The following PCDHA6 variants were observed in gnomAD, a reference collection of about 807,000 sequenced individuals.
PCDHA6 encodes the protein protocadherin alpha 6, also known as protocadherin alpha-6.
Under a neutral mutation model 60.3 loss-of-function variants are expected in PCDHA6, and 55 were observed. That is an observed-to-expected ratio of 0.91 (90% CI 0.73 to 1.14). The LOEUF (loss-of-function observed/expected upper bound fraction) is 1.14. Ranked by LOEUF, PCDHA6 falls within the 50% of genes most tolerant of loss-of-function variation. PCDHA6 has a pLI of 0.00. For missense variants in PCDHA6, 1,327 were observed against 1,256.5 expected, an observed-to-expected ratio of 1.06 and a Z score of -0.85; for synonymous variants, 652 against 557.9, an observed-to-expected ratio of 1.17 and a Z score of -2.38.
At chr5:140,884,563 T>G in intron 1 of PCDHA6, 4 of 1,614,150 alleles carry the variant, frequency 2.5e-6, no homozygotes, top group Non-Finnish European at 3.4e-6. Context: ...AGGGCCCGCA[T>G]AAGACGGACC....
At chr5:140,881,648 CCTT>C (rs1554172342) in intron 1 of PCDHA6, among the ~76,000 whole-genome samples, 4 of 152,182 alleles carry the variant, frequency 2.6e-5, no homozygotes, top group African/African-American at 9.7e-5. Flanking sequence ...ATATTTTTCA[CCTT>C]CACCGATTTT....
At chr5:140,935,996 G>C (rs145363850) in intron 1 of PCDHA6, among the ~76,000 whole-genome samples, 1,644 of 150,942 alleles carry the variant, frequency 0.011, 22 homozygotes, top group African/African-American at 0.037. Flanking sequence ...GGGTTCAAGC[G>C]ATTCTCCCAC....
intron 1 of PCDHA6, 22 bp from the exon 2 acceptor site, chr5:140,978,924 GAAA>G (rs781894146): frequency 6.2e-7 from 1 of 1,614,012 alleles, no homozygotes; most frequent in East Asian, 2.2e-5. Flanking sequence ...CATTTTAACA[GAAA>G]ACTCTCTTTG....
At chr5:140,901,137 A>T (rs2068464747) in intron 1 of PCDHA6, among the ~76,000 whole-genome samples, 1 of 151,974 alleles carries the variant, frequency 6.6e-6, no homozygotes, top group South Asian at 2.1e-4. Flanking sequence ...TAGATTGTAA[A>T]TATTTTCTCT....
chr5:140,941,961 T>A (rs150142414), intron 1 of PCDHA6, among the ~76,000 whole-genome samples: 2 of 152,214 alleles, frequency 1.3e-5, no homozygotes, highest in African/African-American at 4.8e-5. Flanking sequence ...AACAATAGTA[T>A]CTTTACTTTC....
chr5:140,883,594 G>C (rs1562791129), intron 1 of PCDHA6: 5 of 1,614,032 alleles, frequency 3.1e-6, no homozygotes, highest in South Asian at 1.1e-5. Context: ...CCAGCGTGTC[G>C]GTGGGGGTGG....
At chr5:140,979,386 A>C (rs1374804536) in intron 2 of PCDHA6, among the ~76,000 whole-genome samples, 1 of 152,142 alleles carries the variant, frequency 6.6e-6, no homozygotes, top group East Asian at 1.9e-4. Flanking sequence ...TGTGCAATGT[A>C]TACATACATG....
chr5:140,872,246 G>A (rs2053563930), intron 1 of PCDHA6, among the ~76,000 whole-genome samples: 1 of 151,488 alleles, frequency 6.6e-6, no homozygotes, highest in Non-Finnish European at 1.5e-5. Flanking sequence ...TTATTCCTGT[G>A]ATAATACTTG....
At chr5:140,958,925 G>T (rs980567381) in intron 1 of PCDHA6, among the ~76,000 whole-genome samples, 1 of 144,748 alleles carries the variant, frequency 6.9e-6, no homozygotes, top group African/African-American at 2.6e-5. Flanking sequence ...GGGTGTGGTG[G>T]CTCATACTTG....
At chr5:140,844,807 A>G (rs2150373870) in intron 1 of PCDHA6, among the ~76,000 whole-genome samples, 3 of 148,778 alleles carry the variant, frequency 2.0e-5, no homozygotes, top group Non-Finnish European at 3.0e-5. Context: ...TCTTTCTTTT[A>G]TTTCTTCTTG....
At chr5:140,883,636 G>A (rs781839349) in intron 1 of PCDHA6, 5 of 1,613,974 alleles carry the variant, frequency 3.1e-6, no homozygotes, top group South Asian at 2.2e-5. Context: ...CGGCGTTCGC[G>A]CAGCCCGAGT....
intron 1 of PCDHA6, chr5:140,850,485 A>G: frequency 1.3e-6 from 2 of 1,597,954 alleles, no homozygotes; most frequent in Non-Finnish European, 1.7e-6. Context: ...GGCCACGGCC[A>G]CTGTGCTGGT....
In PCDHA6 at chr5:140,931,701, A is replaced by G. The variant is rs78657610; in HGVS notation, c.2395-47248A>G. Among the ~76,000 whole-genome samples the G allele has an allele frequency of 8.3e-3, 1,259 of 152,106 alleles. 10 individuals are homozygous for G. Among genetic ancestry groups the G allele is most frequent in the Non-Finnish European group, 0.014 (970 of 67,850 alleles). ...TAAATGAATTGTGATTCATAAAACC[A>G]TGAATAAAATAACTTCTATAAATAT... On this transcript the variant is annotated intron_variant, in intron 1 of 3. Coordinates refer to ENST00000529310, the MANE Select transcript of PCDHA6 (RefSeq NM_018909.4).
chr5:141,007,377 AC>A lies in PCDHA6; in HGVS notation c.2543-2248del, dbSNP rs1563708435. Among the ~76,000 whole-genome samples, 4 of 136,616 alleles carry A rather than the reference AC, an allele frequency of 2.9e-5. No individual in the cohort carries two copies. The East Asian group carries it at 8.7e-4, about 30-fold the overall frequency. The allele number at this position is 136,616 out of a possible 152,430, so 89.6% of individuals were successfully genotyped here. ...ACCAGCCTGGGCAACATGATGGAAC[AC>A]CATCTCTACTAAAATACAAAAAAAA... On this transcript the variant is annotated intron_variant, in intron 3 of 3. Transcript: ENST00000529310.
At chr5:140,977,263 TAC>T (rs1466968557) in intron 1 of PCDHA6, among the ~76,000 whole-genome samples, 4 of 152,230 alleles carry the variant, frequency 2.6e-5, no homozygotes, top group Admixed American at 1.3e-4. Flanking sequence ...CAGCAGATGT[TAC>T]AGTCTTTCTC....
chr5:140,841,368 T>C (rs2150314322), intron 1 of PCDHA6: 15 of 1,613,308 alleles, frequency 9.3e-6, no homozygotes, highest in Non-Finnish European at 1.3e-5. Flanking sequence ...CGACTACTAC[T>C]CTTGCTTCTG....
intron 1 of PCDHA6, among the ~76,000 whole-genome samples, chr5:140,943,089 T>C (rs2093417033): frequency 6.6e-6 from 1 of 151,612 alleles, no homozygotes; most frequent in African/African-American, 2.4e-5. Flanking sequence ...AAATCCTGCC[T>C]CTACTAAAAA....
At chr5:140,968,715 A>T (rs2096265469) in intron 1 of PCDHA6, 1 of 1,614,014 alleles carries the variant, frequency 6.2e-7, no homozygotes, top group South Asian at 1.1e-5. Flanking sequence ...AAGATGGGAG[A>T]TGAGAGTGGT....
chr5:140,978,820 TG>T, intron 1 of PCDHA6, 128 bp from the exon 2 acceptor site: 2 of 1,517,498 alleles, frequency 1.3e-6, no homozygotes, highest in Non-Finnish European at 1.8e-6. Flanking sequence ...GAGTTACACA[TG>T]AAATGGCTCA....
Sources: gnomAD v4.1 joint callset for allele counts (sites outside exome capture counted in the v4.1 genomes callset) on GRCh38, gnomAD v4.1.1 for gene constraint, MANE v1.5 for transcripts, NCBI Gene and HGNC (gene_info 2026-07-23, HGNC 2026-07-21) for gene names.